CTNNA3: variants seen among roughly 807,000 people sequenced by gnomAD.
CTNNA3 encodes catenin alpha-3.
In CTNNA3, 76 loss-of-function variants were observed where a neutral mutation model predicts 95.7. That is an observed-to-expected ratio of 0.79 (90% confidence interval 0.66 to 0.96). The LOEUF is 0.96. CTNNA3 is among the 40% of genes least tolerant of loss of function. CTNNA3 has a pLI of 0.00. For missense variants in CTNNA3, 1,191 were observed against 1,089.8 expected (o/e 1.09, Z -1.31); for synonymous variants, 431 against 374.4 (o/e 1.15, Z -1.74).
At chr10:66,379,377 T>C in intron 11 of CTNNA3, 25 bp from the exon 12 acceptor site, 1 of 1,574,054 alleles carries the variant, frequency 6.4e-7, no homozygotes, top group South Asian at 1.1e-5. Context: ...ATCAAATTAG[T>C]TTTTGCGTGT....
In CTNNA3 at chr10:66,985,864, A is replaced by T. The variant is rs1328590475; in HGVS notation, c.1047+194453T>A. On this transcript the variant is annotated intron_variant, in intron 7 of 17. Coordinates refer to ENST00000433211, the MANE Select transcript of CTNNA3 (RefSeq NM_013266.4). ...TGCCTCAGCCTCCCAAGTAACTGGGATTACAGGTGCTCGCCACCACACCCA... is the reference window on the plus strand; with the variant it reads ...TGCCTCAGCCTCCCAAGTAACTGGGTTTACAGGTGCTCGCCACCACACCCA... 2.6e-5 allele frequency among the ~76,000 whole-genome samples: 4 copies of T among 152,106 alleles called. No homozygotes were observed. In the East Asian group the frequency reaches 7.8e-4, roughly 30 times the overall value.
intron 7 of CTNNA3, among the ~76,000 whole-genome samples, chr10:66,931,087 T>C (rs1589441536): frequency 1.3e-5 from 2 of 151,772 alleles, no homozygotes; most frequent in Admixed American, 6.6e-5. Context: ...AATCTATTTG[T>C]ATAAGTATTT....
chr10:67,430,499 T>C (rs184076483), intron 5 of CTNNA3, among the ~76,000 whole-genome samples: 4 of 152,060 alleles, frequency 2.6e-5, no homozygotes, highest in African/African-American at 7.2e-5. Context: ...TTATATTTAA[T>C]AGTAGAAGGA....
At chr10:67,496,605 A>G (rs1351788722) in intron 5 of CTNNA3, among the ~76,000 whole-genome samples, 4 of 152,204 alleles carry the variant, frequency 2.6e-5, no homozygotes, top group Non-Finnish European at 5.9e-5. Flanking sequence ...CATATAGGTA[A>G]CTGAATATGA....
chr10:66,894,470 T>C (rs1257609424), intron 7 of CTNNA3, among the ~76,000 whole-genome samples: 1 of 152,066 alleles, frequency 6.6e-6, no homozygotes, highest in African/African-American at 2.4e-5. Flanking sequence ...TGACTCAAGC[T>C]TGTTTCTTCA....
rs757473491 is a variant in CTNNA3 at position 66,775,487 on chromosome 10, G to A, written c.1085C>T (p.Ala362Val). Reference protein sequence around the residue: ...KKERSNTLNIALDNMCKKTRD... With the variant: ...KKERSNTLNIVLDNMCKKTRD... ...TGTCTTCTTACACATGTTGTCTAAA[G>A]CAATATTCAGGGTATTACTCCTTTC... is the stretch of plus-strand genomic sequence containing the variant. The change falls in exon 8 of 18, where the codon GCT (alanine) becomes GTT (valine). Residue 362 changes from alanine (A) to valine (V), a missense_variant. Transcript: ENST00000433211. 6.2e-6 allele frequency: 10 copies of A among 1,611,454 alleles called. No individual in the cohort carries two copies. In the East Asian group the frequency reaches 2.2e-4, roughly 36 times the overall value.
rs115621703 is a variant in CTNNA3 at position 67,480,263 on chromosome 10, C to T, written c.579+41579G>A. Among the ~76,000 whole-genome samples, 552 of 152,284 alleles carry T rather than the reference C, an allele frequency of 3.6e-3. 8 individuals carry two copies. Among genetic ancestry groups the T allele is most frequent in the African/African-American group, 0.013 (529 of 41,552 alleles). ...TGCTACAAAAGTAGCATCAGCCTGA[C>T]ACCAAAACCTGGCAAAGACACAAAA... On this transcript the variant is annotated intron_variant, in intron 5 of 17. Transcript: ENST00000433211.
intron 4 of CTNNA3, among the ~76,000 whole-genome samples, chr10:67,528,599 C>G (rs993105285): frequency 6.6e-6 from 1 of 152,198 alleles, no homozygotes; most frequent in East Asian, 1.9e-4. Flanking sequence ...ATTTAACATA[C>G]CCTCTCTTAA....
chr10:66,154,253 T>C (rs1333786125), intron 13 of CTNNA3, among the ~76,000 whole-genome samples: 2 of 151,828 alleles, frequency 1.3e-5, no homozygotes, highest in Non-Finnish European at 2.9e-5. Context: ...CTCTTTGGAC[T>C]TATATTTTAA....
In CTNNA3 at chr10:66,315,986, C is replaced by T. The variant is rs185461914; in HGVS notation, c.1733-35365G>A. ...ATTGATAGGTTCTTGAAAACCGCAA[C>T]TTTAACACAACCAATTTTAACGAAG... On this transcript the variant is annotated intron_variant, in intron 12 of 17. Coordinates refer to ENST00000433211, the MANE Select transcript of CTNNA3 (RefSeq NM_013266.4). Among the ~76,000 whole-genome samples, 796 of 152,184 alleles carry T rather than the reference C, an allele frequency of 5.2e-3. 9 individuals carry two copies. Among genetic ancestry groups the T allele is most frequent in the Non-Finnish European group, 7.6e-3 (514 of 67,968 alleles).
At chr10:67,094,262 T>G (rs899711353) in intron 7 of CTNNA3, among the ~76,000 whole-genome samples, 1 of 151,906 alleles carries the variant, frequency 6.6e-6, no homozygotes, top group African/African-American at 2.4e-5. Flanking sequence ...TAAGAATCAT[T>G]GGGTTCCTAA....
chr10:65,929,020 T>TC (rs1214774265), intron 17 of CTNNA3, among the ~76,000 whole-genome samples: 1 of 120,832 alleles, frequency 8.3e-6, no homozygotes, highest in East Asian at 2.8e-4. Flanking sequence ...ATGCTATCCC[T>TC]CCCCCCTCCC....
intron 12 of CTNNA3, among the ~76,000 whole-genome samples, chr10:66,283,063 T>C (rs4294477): frequency 0.11 from 17,374 of 151,866 alleles, 1,265 homozygotes; most frequent in East Asian, 0.28. Flanking sequence ...CTTAATGAGT[T>C]AATCATTACT....
intron 9 of CTNNA3, among the ~76,000 whole-genome samples, chr10:66,743,858 C>T (rs1849408736): frequency 1.3e-5 from 2 of 151,654 alleles, no homozygotes; most frequent in African/African-American, 4.8e-5. Flanking sequence ...TGCCTGTGGT[C>T]CCAGCTACTT....
At position 66,234,059 on chromosome 10, in the gene CTNNA3, G is replaced by T. The variant is rs182261933; in HGVS notation, c.1884+46411C>A. On this transcript the variant is annotated intron_variant, in intron 13 of 17. Coordinates refer to ENST00000433211, the MANE Select transcript of CTNNA3 (RefSeq NM_013266.4). ...AAAATAACAGGCAAAATTAATTTGT[G>T]GTGATAGGGAAAAATGACTCCTTTT... Among the ~76,000 whole-genome samples the T allele has an allele frequency of 2.0e-5, 3 of 152,192 alleles. No individual in the cohort carries two copies. The East Asian group carries it at 5.8e-4, about 29-fold the overall frequency.
At chr10:67,751,162 G>A in intron 1 of CTNNA3, 3 of 1,286,804 alleles carry the variant, frequency 2.3e-6, no homozygotes, top group Non-Finnish European at 3.4e-6. Flanking sequence ...AGCTTCAACA[G>A]AAACTGGAGG....
chr10:67,183,447 C>A (rs1015848650), intron 6 of CTNNA3, among the ~76,000 whole-genome samples: 1 of 151,918 alleles, frequency 6.6e-6, no homozygotes, highest in Non-Finnish European at 1.5e-5. Context: ...GGACAAAAAA[C>A]CAAACACCGC....
At chr10:66,592,014 A>G (rs1843568354) in intron 10 of CTNNA3, among the ~76,000 whole-genome samples, 1 of 151,994 alleles carries the variant, frequency 6.6e-6, no homozygotes, top group African/African-American at 2.4e-5. Flanking sequence ...TATAAATACA[A>G]GCGATGAATT....
intron 2 of CTNNA3, among the ~76,000 whole-genome samples, chr10:67,612,940 TCTGCACCAGCC>T (rs1843511949): frequency 1.3e-5 from 2 of 152,200 alleles, no homozygotes; most frequent in Non-Finnish European, 2.9e-5. Context: ...TCTCACTGCC[TCTGCACCAGCC>T]CTACATTCCC....
Sources: allele counts gnomAD v4.1 joint callset (sites outside exome capture counted in the v4.1 genomes callset), GRCh38; gene constraint gnomAD v4.1.1; transcripts MANE v1.5; gene names NCBI Gene and HGNC (gene_info 2026-07-23, HGNC 2026-07-21).